Variants in MTUS2 observed in about 807,000 individuals in gnomAD.
MTUS2 encodes the protein microtubule-associated tumor suppressor candidate 2.
MTUS2 carries 40 observed loss-of-function variants against 114.1 expected under a neutral mutation model. That is an observed-to-expected ratio of 0.35 (90% CI 0.27 to 0.46). The LOEUF is 0.46. MTUS2 is among the 20% of genes least tolerant of loss of function. The probability of loss-of-function intolerance (pLI) is 1.00; values close to 1 mark genes in which losing one functional copy is unlikely to be tolerated. For missense variants in MTUS2, 1,679 were observed against 1,705.4 expected, an observed-to-expected ratio of 0.98 and a Z score of 0.27; for synonymous variants, 688 against 672.0, an observed-to-expected ratio of 1.02 and a Z score of -0.37.
At chr13:29,084,552 T>G (rs1889591396) in intron 4 of MTUS2, among the ~76,000 whole-genome samples, 1 of 139,882 alleles carries the variant, frequency 7.1e-6, no homozygotes, top group African/African-American at 2.6e-5. Flanking sequence ...TCTTCTTTCC[T>G]TTTTTGATGG....
intron 7 of MTUS2, among the ~76,000 whole-genome samples, chr13:29,338,596 C>CAA (rs144001721): frequency 1.7e-4 from 25 of 143,140 alleles, no homozygotes; most frequent in Non-Finnish European, 3.0e-4. Context: ...TCTCAGAAAA[C>CAA]AAAAAAAAAC....
intron 2 of MTUS2, among the ~76,000 whole-genome samples, chr13:28,915,673 A>C (rs1880705623): frequency 6.6e-6 from 1 of 151,646 alleles, no homozygotes; most frequent in South Asian, 2.1e-4. Flanking sequence ...CAGTTGTTTG[A>C]GCTCCTTATA....
intron 5 of MTUS2, among the ~76,000 whole-genome samples, chr13:29,245,461 T>C (rs1454238632): frequency 2.0e-5 from 3 of 152,132 alleles, no homozygotes; most frequent in African/African-American, 7.2e-5. Context: ...AAGTCTGGCA[T>C]TGAGTAAACA....
At chr13:29,203,343 A>G (rs570354190) in intron 5 of MTUS2, among the ~76,000 whole-genome samples, 2 of 152,252 alleles carry the variant, frequency 1.3e-5, no homozygotes, top group East Asian at 3.9e-4. Context: ...AGCCTCAGTA[A>G]TGGTGGATAC....
At chr13:29,440,145 A>G in intron 9 of MTUS2, 96 bp downstream of exon 9, 1 of 1,185,348 alleles carries the variant, frequency 8.4e-7, no homozygotes, top group South Asian at 1.3e-5. Context: ...GTAATAAGCC[A>G]GTGCAAACCT....
At chr13:29,150,942 T>C (rs750277756) in intron 5 of MTUS2, among the ~76,000 whole-genome samples, 1 of 152,244 alleles carries the variant, frequency 6.6e-6, no homozygotes, top group African/African-American at 2.4e-5. Flanking sequence ...TTTTGGTTAC[T>C]ATAGCCTTGT....
At chr13:29,498,278 G>A (rs766089094) in intron 13 of MTUS2, 140 bp from the exon 14 acceptor site, 23 of 1,215,784 alleles carry the variant, frequency 1.9e-5, no homozygotes, top group Non-Finnish European at 2.3e-5. Context: ...AAGGCTGTGA[G>A]CATCCTCTCT....
chr13:29,187,920 G>T (rs553963517), intron 5 of MTUS2, among the ~76,000 whole-genome samples: 26 of 152,192 alleles, frequency 1.7e-4, no homozygotes, highest in Admixed American at 6.5e-4. Context: ...AAGTACATTT[G>T]CCTTGTTTCA....
intron 4 of MTUS2, among the ~76,000 whole-genome samples, chr13:29,087,264 G>C (rs1043140939): frequency 1.3e-5 from 2 of 152,156 alleles, no homozygotes; most frequent in Admixed American, 1.3e-4. Context: ...TTATTAGTTT[G>C]AGATATGTTC....
At chr13:29,289,464 C>CTTTTT (rs532952669) in intron 6 of MTUS2, among the ~76,000 whole-genome samples, 1 of 139,748 alleles carries the variant, frequency 7.2e-6, no homozygotes, top group Non-Finnish European at 1.5e-5. Flanking sequence ...GTAGGCATTT[C>CTTTTT]TTTTTTTTTT....
intron 5 of MTUS2, among the ~76,000 whole-genome samples, chr13:29,179,341 A>G (rs929153927): frequency 2.0e-5 from 3 of 152,258 alleles, no homozygotes; most frequent in African/African-American, 7.2e-5. Context: ...AAGGAAATGT[A>G]TGGAAATGGA....
intron 4 of MTUS2, among the ~76,000 whole-genome samples, chr13:29,075,505 G>A (rs1190498807): frequency 1.3e-5 from 2 of 152,142 alleles, no homozygotes; most frequent in Non-Finnish European, 2.9e-5. Context: ...AGTCTAAGCT[G>A]ACTGTTTCTG....
At chr13:29,066,741 T>A (rs1888683534) in intron 4 of MTUS2, among the ~76,000 whole-genome samples, 1 of 152,220 alleles carries the variant, frequency 6.6e-6, no homozygotes, top group Admixed American at 6.5e-5. Flanking sequence ...ACAGATTAAA[T>A]GCATAGTCCA....
At chr13:29,276,922 GAATA>G (rs1555260552) in intron 5 of MTUS2, among the ~76,000 whole-genome samples, 4 of 151,318 alleles carry the variant, frequency 2.6e-5, no homozygotes, top group African/African-American at 4.9e-5. Context: ...ATAAATAAAT[GAATA>G]AATAAATAAA....
chr13:28,880,341 C>T (rs749193070), intron 2 of MTUS2, among the ~76,000 whole-genome samples: 13 of 152,108 alleles, frequency 8.5e-5, no homozygotes, highest in Non-Finnish European at 7.4e-5. Flanking sequence ...CAAGCAAGGT[C>T]GATTCCTGAA....
At chr13:28,968,049 C>A (rs976409136) in intron 2 of MTUS2, among the ~76,000 whole-genome samples, 1 of 152,048 alleles carries the variant, frequency 6.6e-6, no homozygotes, top group African/African-American at 2.4e-5. Context: ...AGAGATATAC[C>A]TGCTAACATT....
chr13:28,909,354 C>G (rs1452040467), intron 2 of MTUS2, among the ~76,000 whole-genome samples: 3 of 148,028 alleles, frequency 2.0e-5, no homozygotes, highest in African/African-American at 5.3e-5. Flanking sequence ...TTTGTATCCT[C>G]TTTTATTTCA....
intron 8 of MTUS2, among the ~76,000 whole-genome samples, chr13:29,366,889 G>A (rs533268918): frequency 7.9e-5 from 12 of 151,994 alleles, no homozygotes; most frequent in Non-Finnish European, 1.5e-4. Context: ...TCTTATGTGG[G>A]CCTAAAACCA....
chr13:29,469,626 CA>C (rs768631653), intron 9 of MTUS2, among the ~76,000 whole-genome samples: 226 of 117,722 alleles, frequency 1.9e-3, no homozygotes, highest in East Asian at 1.9e-3. Context: ...GACTATGTCT[CA>C]AAAAAAAAAA....
Sources: allele counts gnomAD v4.1 joint callset (sites outside exome capture counted in the v4.1 genomes callset), GRCh38; gene constraint gnomAD v4.1.1; transcripts MANE v1.5; gene names NCBI Gene and HGNC (gene_info 2026-07-23, HGNC 2026-07-21).